Variants in EVC2 observed in about 807,000 individuals in gnomAD.
EVC2 encodes the protein EvC ciliary complex subunit 2.
EVC2 carries 148 observed loss-of-function variants against 149.3 expected under a neutral mutation model. That is an observed-to-expected ratio of 0.99 (90% confidence interval 0.87 to 1.14). The LOEUF (loss-of-function observed/expected upper bound fraction) is 1.14. Ranked by LOEUF, EVC2 falls within the 50% of genes most tolerant of loss-of-function variation. EVC2 has a pLI of 0.00. For synonymous variants in EVC2, 776 were observed against 649.9 expected (o/e 1.19, Z -2.95); for missense variants, 1,854 against 1,627.3 (o/e 1.14, Z -2.40).
In EVC2 at chr4:5,672,785, T is replaced by C. The variant is rs75373018; in HGVS notation, c.871-7136A>G. On this transcript the variant is annotated intron_variant, in intron 7 of 21. Coordinates refer to ENST00000344408, the MANE Select transcript of EVC2 (RefSeq NM_147127.5). Reference sequence around the variant, plus strand: ...TCCTGATGAATAAAGAACATGTGTATATCCATATAATGGACTATTATTCAG... The same window carrying C: ...TCCTGATGAATAAAGAACATGTGTACATCCATATAATGGACTATTATTCAG... Among the ~76,000 whole-genome samples, 1,098 of 152,382 alleles carry C rather than the reference T, an allele frequency of 7.2e-3. 15 individuals carry two copies. Among genetic ancestry groups the C allele is most frequent in the African/African-American group, 0.025 (1,042 of 41,590 alleles).
At chr4:5,551,477 T>C (rs1721737219) in intron 21 of EVC2, among the ~76,000 whole-genome samples, 1 of 152,226 alleles carries the variant, frequency 6.6e-6, no homozygotes, top group Non-Finnish European at 1.5e-5. Context: ...AATGGCTGTA[T>C]TTACCCAATG....
rs2108828983 is a variant in EVC2 at position 5,615,494 on chromosome 4, C to T, written c.2757G>A (p.Glu919=). 2 of 1,614,248 alleles carry T rather than the reference C, an allele frequency of 1.2e-6. No individual in the cohort carries two copies. The highest frequency in any genetic ancestry group is 1.7e-6 in the Non-Finnish European group (2 of 1,180,050). The change falls in exon 16 of 22, where the codon GAG becomes GAA. Residue 919 remains glutamate, a synonymous_variant. Coordinates refer to ENST00000344408, the MANE Select transcript of EVC2 (RefSeq NM_147127.5). ...KSRSKSKSKG[E]LLKKCIEDKI... ...TGTCTTCGATGCACTTCTTCAGAAG[C>T]TCTCCCTTGCTTTTACTCTTGGACC...
intron 21 of EVC2, among the ~76,000 whole-genome samples, chr4:5,548,760 A>C (rs1021551348): frequency 2.0e-5 from 3 of 152,172 alleles, no homozygotes; most frequent in Admixed American, 1.3e-4. Flanking sequence ...TTGTGCTCTT[A>C]TCTGATGACA....
rs777675823 is a variant in EVC2, at chr4:5,691,312, C to G, written c.472G>C (p.Val158Leu). 1.2e-6 allele frequency: 2 copies of G among 1,613,506 alleles called. No individual in the cohort carries two copies. Among genetic ancestry groups the G allele is most frequent in the East Asian group, 2.2e-5 (1 of 44,786 alleles). Reference sequence around the variant, plus strand: ...ACTCCATTTTCAGAAGTCCCTTGAACTTCTCTTGAAATGTCCCCATACTAC... The same window carrying G: ...ACTCCATTTTCAGAAGTCCCTTGAAGTTCTCTTGAAATGTCCCCATACTAC... ...HRLYGDISRE[V>L]QGTSENGVIF... The change falls in exon 4 of 22, where the codon GTT becomes CTT. Residue 158 changes from valine (V) to leucine (L), a missense_variant. Val to Leu is a conservative substitution (Grantham distance 32, BLOSUM62 1). Transcript: ENST00000344408.
At chr4:5,537,941 C>G (rs1721450290), downstream of EVC2, among the ~76,000 whole-genome samples, 1 of 151,120 alleles carries the variant, frequency 6.6e-6, no homozygotes, top group South Asian at 2.1e-4. Context: ...AAGATAAGAG[C>G]AGATATCAGT....
rs1053353798 is a variant in EVC2 at position 5,618,630 on chromosome 4, T to A, written c.2554A>T (p.Arg852Trp). The change falls in exon 15 of 22, where the codon AGG becomes TGG. Residue 852 changes from arginine to tryptophan, a missense_variant. Physicochemically the swap from Arg to Trp is moderately radical, Grantham distance 101. Coordinates refer to ENST00000344408, the MANE Select transcript of EVC2 (RefSeq NM_147127.5). The surrounding 1 kb of genome is among the most constrained non-coding windows in gnomAD (Gnocchi z 4.4). ...SLSEEELLRM[R>W]QEVHGCFAQM... ...GCAAAGCAGCCATGGACCTCCTGCC[T>A]CATCCTGAGCAGCTCCTCTTCAGAC... 6.2e-7 allele frequency: 1 copy of A among 1,612,324 alleles called. No homozygotes were observed. The highest frequency in any genetic ancestry group is 1.3e-5 in the African/African-American group (1 of 74,886).
intron 10 of EVC2, among the ~76,000 whole-genome samples, chr4:5,638,769 G>A (rs1717085929): frequency 6.6e-6 from 1 of 152,090 alleles, no homozygotes; most frequent in African/African-American, 2.4e-5. Context: ...GGAGATGAGA[G>A]GGTTACCAGG....
At chr4:5,669,336 C>T (rs941281973) in intron 7 of EVC2, among the ~76,000 whole-genome samples, 1 of 152,170 alleles carries the variant, frequency 6.6e-6, no homozygotes, top group Non-Finnish European at 1.5e-5. Context: ...CACGTATCAT[C>T]CCTGTTCTAC....
intron 3 of EVC2, 148 bp downstream of exon 3, chr4:5,694,187 T>G: frequency 3.8e-6 from 3 of 780,162 alleles, no homozygotes; most frequent in Non-Finnish European, 6.3e-6. Context: ...ATAAATGGAT[T>G]TGCTACCCAG....
At chr4:5,697,911 A>C (rs1342154674) in intron 1 of EVC2, among the ~76,000 whole-genome samples, 1 of 151,760 alleles carries the variant, frequency 6.6e-6, no homozygotes, top group Non-Finnish European at 1.5e-5. Flanking sequence ...ACGCCCAGCT[A>C]ATTTTTTTGT....
intron 17 of EVC2, among the ~76,000 whole-genome samples, chr4:5,583,751 G>C (rs1036812660): frequency 4.1e-4 from 55 of 135,048 alleles, no homozygotes; most frequent in Admixed American, 1.3e-3. Context: ...TCTTGCCAAG[G>C]GTTTGTATAT....
intron 16 of EVC2, among the ~76,000 whole-genome samples, chr4:5,595,500 T>C (rs1488596196): frequency 2.6e-5 from 4 of 152,024 alleles, no homozygotes; most frequent in African/African-American, 9.7e-5. Context: ...ATAAAATACT[T>C]TACAGACAAG....
intron 18 of EVC2, 151 bp from the exon 19 acceptor site, chr4:5,574,923 T>G (rs1722830443): frequency 3.6e-6 from 3 of 842,458 alleles, no homozygotes; most frequent in Admixed American, 4.1e-5. Flanking sequence ...AAAGACTGCC[T>G]TCCTTTTCTT....
intron 9 of EVC2, among the ~76,000 whole-genome samples, chr4:5,645,006 C>G (rs954372262): frequency 6.6e-6 from 1 of 152,114 alleles, no homozygotes; most frequent in Non-Finnish European, 1.5e-5. Context: ...GATATCTCTT[C>G]GATATATTGA....
chr4:5,584,370 G>T (rs1245644051), intron 17 of EVC2, among the ~76,000 whole-genome samples: 1 of 152,154 alleles, frequency 6.6e-6, no homozygotes, highest in African/African-American at 2.4e-5. Flanking sequence ...TACTGCCAAT[G>T]AACCCATGGC....
At chr4:5,700,026 G>C (rs1017542166) in intron 1 of EVC2, among the ~76,000 whole-genome samples, 1 of 152,076 alleles carries the variant, frequency 6.6e-6, no homozygotes, top group South Asian at 2.1e-4. Context: ...CTGAATCCCA[G>C]CTACTTGGGA....
intron 1 of EVC2, among the ~76,000 whole-genome samples, chr4:5,702,174 G>A (rs1195574794): frequency 6.6e-6 from 1 of 152,044 alleles, no homozygotes; most frequent in East Asian, 1.9e-4. Context: ...ACTCCATTCG[G>A]GGATCCGCTC....
chr4:5,602,309 A>T (rs1280782585), intron 16 of EVC2, among the ~76,000 whole-genome samples: 2 of 149,950 alleles, frequency 1.3e-5, no homozygotes, highest in Non-Finnish European at 3.0e-5. Flanking sequence ...AAAAAAAAAA[A>T]AAAAAGTAAA....
At chr4:5,707,536 C>G (rs1722290484) in intron 1 of EVC2, among the ~76,000 whole-genome samples, 1 of 152,044 alleles carries the variant, frequency 6.6e-6, no homozygotes, top group Admixed American at 6.6e-5. Flanking sequence ...TCTACCAGGA[C>G]AGACCACCCC....
Sources: allele counts gnomAD v4.1 joint callset (sites outside exome capture counted in the v4.1 genomes callset), GRCh38; gene constraint gnomAD v4.1.1; non-coding constraint Gnocchi (gnomAD v3.1); transcripts MANE v1.5; gene names NCBI Gene and HGNC (gene_info 2026-07-23, HGNC 2026-07-21).